Variants in SGCD observed in about 807,000 individuals in gnomAD.
SGCD encodes the protein delta-sarcoglycan.
SGCD carries 18 observed loss-of-function variants against 36.6 expected under a neutral mutation model. That is an observed-to-expected ratio of 0.49 (90% CI 0.34 to 0.73). The LOEUF is 0.73. Among genes scored for constraint, SGCD ranks in the 30% least tolerant of loss-of-function variants. SGCD has a pLI of 0.01. For synonymous variants in SGCD, 133 were observed against 130.6 expected (o/e 1.02, Z -0.12); for missense variants, 387 against 346.7 (o/e 1.12, Z -0.92).
At chr5:156,332,710 C>T (rs1249921751) in intron 2 of SGCD, among the ~76,000 whole-genome samples, 1 of 152,110 alleles carries the variant, frequency 6.6e-6, no homozygotes, top group Non-Finnish European at 1.5e-5. Context: ...AGAATCCAGA[C>T]CTCAAAATTA....
chr5:156,150,416 ATGT>A (rs757588309), intron 3 of SGCD, among the ~76,000 whole-genome samples: 26 of 151,620 alleles, frequency 1.7e-4, no homozygotes, highest in Admixed American at 7.2e-4. Context: ...TAATTCTTTC[ATGT>A]TGTACTGCGA....
intron 3 of SGCD, among the ~76,000 whole-genome samples, chr5:156,156,775 C>T (rs1762974857): frequency 6.6e-6 from 1 of 151,378 alleles, no homozygotes; most frequent in Non-Finnish European, 1.5e-5. Flanking sequence ...TTGGAAATCA[C>T]CGACTTCTAC....
chr5:156,486,754 T>C (rs187115582), intron 3 of SGCD, among the ~76,000 whole-genome samples: 4 of 152,126 alleles, frequency 2.6e-5, no homozygotes, highest in South Asian at 4.2e-4. Context: ...TGCCACCACG[T>C]GCATGTGCCT....
chr5:156,109,845 T>C (rs535696188), intron 1 of SGCD, among the ~76,000 whole-genome samples: 4 of 152,304 alleles, frequency 2.6e-5, no homozygotes. Flanking sequence ...CTGTGACAAA[T>C]GTTTCAAAGG....
intron 3 of SGCD, among the ~76,000 whole-genome samples, chr5:156,373,499 A>G (rs1344518265): frequency 1.3e-5 from 2 of 152,204 alleles, no homozygotes; most frequent in African/African-American, 4.8e-5. Flanking sequence ...ACAGTCTATT[A>G]CACATTTTAC....
intron 6 of SGCD, among the ~76,000 whole-genome samples, chr5:156,620,019 T>C (rs544488432): frequency 6.6e-6 from 1 of 152,284 alleles, no homozygotes; most frequent in Non-Finnish European, 1.5e-5. Flanking sequence ...AAGTACAGAA[T>C]AGAAGCAAAA....
chr5:156,243,164 G>T (rs1765347123), intron 3 of SGCD, among the ~76,000 whole-genome samples: 1 of 152,214 alleles, frequency 6.6e-6, no homozygotes, highest in Non-Finnish European at 1.5e-5. Context: ...GCTTGGAATG[G>T]GGAGTTGGGG....
chr5:156,509,834 T>C (rs761768892), intron 4 of SGCD, among the ~76,000 whole-genome samples: 20 of 152,206 alleles, frequency 1.3e-4, no homozygotes, highest in Non-Finnish European at 2.6e-4. Context: ...GTTGGTTTCA[T>C]TTATTTAGTC....
chr5:156,460,266 A>C (rs1414408361), intron 3 of SGCD, among the ~76,000 whole-genome samples: 1 of 152,198 alleles, frequency 6.6e-6, no homozygotes, highest in Non-Finnish European at 1.5e-5. Context: ...ACAATGATTT[A>C]TTTGACCAAA....
intron 3 of SGCD, among the ~76,000 whole-genome samples, chr5:156,243,422 G>A (rs1765354466): frequency 6.6e-6 from 1 of 152,146 alleles, no homozygotes; most frequent in African/African-American, 2.4e-5. Flanking sequence ...TTAAGGGTAA[G>A]AAGAACCAGA....
the SGCD span, among the ~76,000 whole-genome samples, chr5:155,797,530 T>G: frequency 2.6e-5 from 4 of 152,212 alleles, no homozygotes; most frequent in Non-Finnish European, 4.4e-5. Context: ...TTTAGTAAAT[T>G]TTTATATAAG....
At chr5:156,161,731 T>C (rs1763090548) in intron 3 of SGCD, among the ~76,000 whole-genome samples, 2 of 151,864 alleles carry the variant, frequency 1.3e-5, no homozygotes, top group South Asian at 4.1e-4. Flanking sequence ...ACATGAACAT[T>C]TTCCTCATCT....
intron 3 of SGCD, among the ~76,000 whole-genome samples, chr5:156,262,631 C>T (rs752254389): frequency 6.6e-6 from 1 of 152,002 alleles, no homozygotes; most frequent in African/African-American, 2.4e-5. Context: ...TTGGTGCGCT[C>T]ATCACCTGGA....
At chr5:156,722,081 A>G (rs969647001) in intron 7 of SGCD, among the ~76,000 whole-genome samples, 3 of 152,210 alleles carry the variant, frequency 2.0e-5, no homozygotes, top group African/African-American at 4.8e-5. Context: ...CCTATAGTTT[A>G]TTCCTAGAGC....
intron 1 of SGCD, among the ~76,000 whole-genome samples, chr5:155,914,269 A>G (rs1756692675): frequency 6.6e-6 from 1 of 152,182 alleles, no homozygotes; most frequent in East Asian, 1.9e-4. Flanking sequence ...GGGACCATAT[A>G]CTATCATTAC....
At chr5:156,474,062 G>T (rs1003198442) in intron 3 of SGCD, among the ~76,000 whole-genome samples, 2 of 151,716 alleles carry the variant, frequency 1.3e-5, no homozygotes, top group Non-Finnish European at 2.9e-5. Flanking sequence ...TTTCTCCAGT[G>T]GGGGAGGGAG....
intron 4 of SGCD, among the ~76,000 whole-genome samples, chr5:156,572,354 C>T (rs1185349951): frequency 6.6e-6 from 1 of 152,210 alleles, no homozygotes; most frequent in African/African-American, 2.4e-5. Flanking sequence ...CACCCTTTTA[C>T]ATTCCCACCA....
intron 1 of SGCD, among the ~76,000 whole-genome samples, chr5:155,939,657 AAAT>A: frequency 6.7e-6 from 1 of 150,202 alleles, no homozygotes; most frequent in African/African-American, 2.4e-5. Flanking sequence ...AAAAAAAAAA[AAAT>A]AATAATAATG....
At chr5:156,404,395 G>T (rs1286642348) in intron 3 of SGCD, among the ~76,000 whole-genome samples, 1 of 152,098 alleles carries the variant, frequency 6.6e-6, no homozygotes, top group Non-Finnish European at 1.5e-5. Flanking sequence ...CAGAGCAAGG[G>T]GTTCACCTCT....
Sources: allele counts gnomAD v4.1 joint callset (sites outside exome capture counted in the v4.1 genomes callset), GRCh38; gene constraint gnomAD v4.1.1; transcripts MANE v1.5; gene names NCBI Gene and HGNC (gene_info 2026-07-23, HGNC 2026-07-21).